LINGO2: variants seen among roughly 807,000 people sequenced by gnomAD.
LINGO2 encodes leucine-rich repeat and immunoglobulin-like domain-containing nogo receptor-interacting protein 2.
LINGO2 carries 14 observed loss-of-function variants against 30.6 expected under a neutral mutation model. The observed-to-expected ratio is 0.46, with a 90% CI of 0.30 to 0.72. The LOEUF is 0.72. LINGO2 is among the 30% of genes least tolerant of loss of function. The pLI, the probability that LINGO2 is intolerant of heterozygous loss-of-function variation, is 0.07. For synonymous variants in LINGO2, 317 were observed against 288.5 expected (o/e 1.10, Z -1.00); for missense variants, 729 against 751.7 (o/e 0.97, Z 0.35).
the LINGO2 span, among the ~76,000 whole-genome samples, chr9:29,201,880 C>G: frequency 6.6e-6 from 1 of 151,968 alleles, no homozygotes; most frequent in Non-Finnish European, 1.5e-5. Flanking sequence ...ACTAACACGT[C>G]ATGAGACGAA....
At chr9:29,161,923 G>GTT in the LINGO2 span, among the ~76,000 whole-genome samples, 430 of 142,930 alleles carry the variant, frequency 3.0e-3, 1 homozygote, top group African/African-American at 0.01. Flanking sequence ...CTTCAGATGT[G>GTT]TTTTTTTTTT....
the LINGO2 span, among the ~76,000 whole-genome samples, chr9:28,791,681 T>C: frequency 1.2e-4 from 19 of 152,080 alleles, no homozygotes; most frequent in South Asian, 3.7e-3. Context: ...TACTCTGAAT[T>C]AATAAACAAT....
At chr9:29,146,767 G>C in the LINGO2 span, among the ~76,000 whole-genome samples, 38,317 of 151,962 alleles carry the variant, frequency 0.25, 5,050 homozygotes, top group East Asian at 0.4. Context: ...TCAAAGTGGA[G>C]TAACTCTGAA....
chr9:29,137,502 C>T, the LINGO2 span, among the ~76,000 whole-genome samples: 1 of 152,118 alleles, frequency 6.6e-6, no homozygotes, highest in Non-Finnish European at 1.5e-5. Context: ...TACTACTGCT[C>T]TAGGTAAACT....
chr9:29,038,639 A>G, the LINGO2 span, among the ~76,000 whole-genome samples: 1 of 149,600 alleles, frequency 6.7e-6, no homozygotes, highest in Non-Finnish European at 1.5e-5. Flanking sequence ...GGACAATGGC[A>G]CAAGAGAATT....
intron 4 of LINGO2, among the ~76,000 whole-genome samples, chr9:28,040,188 A>T (rs1271822287): frequency 1.3e-5 from 2 of 152,164 alleles, no homozygotes; most frequent in African/African-American, 4.8e-5. Flanking sequence ...AGCAAAACAG[A>T]TTGATTCATT....
At chr9:28,362,942 G>A (rs1820509551) in intron 3 of LINGO2, among the ~76,000 whole-genome samples, 1 of 152,160 alleles carries the variant, frequency 6.6e-6, no homozygotes, top group African/African-American at 2.4e-5. Flanking sequence ...TTCTGAGTAA[G>A]AACTTAAGGG....
chr9:28,735,010 C>T, the LINGO2 span, among the ~76,000 whole-genome samples: 2 of 152,106 alleles, frequency 1.3e-5, no homozygotes, highest in African/African-American at 4.8e-5. Context: ...TTTTTCCATT[C>T]TCCTATTGAT....
chr9:28,832,188 A>T, the LINGO2 span, among the ~76,000 whole-genome samples: 1 of 152,220 alleles, frequency 6.6e-6, no homozygotes, highest in Non-Finnish European at 1.5e-5. Flanking sequence ...AAAGAAAAGC[A>T]GTTGGAGTTG....
chr9:28,189,325 GAGGGAGGAAGGA>G (rs1819678422), intron 4 of LINGO2, among the ~76,000 whole-genome samples: 1 of 18,114 alleles, frequency 5.5e-5, no homozygotes, highest in Non-Finnish European at 1.1e-4. Context: ...GGAAGGAAGG[GAGGGAGGAAGGA>G]AGGAAGGGAG....
At chr9:28,347,194 C>T (rs1213379524) in intron 3 of LINGO2, among the ~76,000 whole-genome samples, 1 of 152,068 alleles carries the variant, frequency 6.6e-6, no homozygotes, top group South Asian at 2.1e-4. Flanking sequence ...AAGGATTTTA[C>T]AAAATATAAA....
chr9:28,080,439 T>C (rs112461478), intron 4 of LINGO2, among the ~76,000 whole-genome samples: 85 of 152,340 alleles, frequency 5.6e-4, no homozygotes, highest in South Asian at 1.4e-3. Context: ...TTTTCTGGTC[T>C]CTTTGGTTGA....
chr9:28,218,174 G>A (rs566655716), intron 4 of LINGO2, among the ~76,000 whole-genome samples: 1 of 149,228 alleles, frequency 6.7e-6, no homozygotes, highest in African/African-American at 2.5e-5. Flanking sequence ...ACTAAATATA[G>A]TATCAAATAT....
chr9:28,715,270 CTGTAAAA>C, the LINGO2 span, among the ~76,000 whole-genome samples: 5 of 152,042 alleles, frequency 3.3e-5, no homozygotes, highest in Admixed American at 2.6e-4. Context: ...TCTGTGTAGA[CTGTAAAA>C]TGCAATACCT....
the LINGO2 span, among the ~76,000 whole-genome samples, chr9:29,110,500 T>A: frequency 6.8e-6 from 1 of 146,218 alleles, no homozygotes; most frequent in Non-Finnish European, 1.5e-5. Context: ...GCCCGGCTAA[T>A]TTTTTGTATT....
At chr9:28,086,204 T>A (rs896584) in intron 4 of LINGO2, among the ~76,000 whole-genome samples, 149,060 of 152,074 alleles carry the variant, frequency 0.98, 73,126 homozygotes, top group South Asian at 1. Context: ...CATTTTTAAC[T>A]ATAAAAAAAT....
chr9:29,106,742 CTTTTA>C, the LINGO2 span, among the ~76,000 whole-genome samples: 2 of 152,038 alleles, frequency 1.3e-5, no homozygotes, highest in Non-Finnish European at 2.9e-5. Context: ...CCTTTATAGA[CTTTTA>C]TTTTAATTCT....
intron 4 of LINGO2, among the ~76,000 whole-genome samples, chr9:28,109,480 C>G (rs946595614): frequency 5.3e-5 from 8 of 151,910 alleles, no homozygotes; most frequent in African/African-American, 1.9e-4. Context: ...TGACATGATT[C>G]TATATTTAGA....
chr9:29,090,885 A>G, the LINGO2 span, among the ~76,000 whole-genome samples: 53 of 152,140 alleles, frequency 3.5e-4, no homozygotes, highest in Middle Eastern at 3.4e-3. Context: ...GGAGTAACTT[A>G]CTATCCCTCT....
Sources: allele counts gnomAD v4.1 joint callset (sites outside exome capture counted in the v4.1 genomes callset), GRCh38; gene constraint gnomAD v4.1.1; transcripts MANE v1.5; gene names NCBI Gene and HGNC (gene_info 2026-07-23, HGNC 2026-07-21).